Variants in PTPRD observed in about 807,000 individuals in gnomAD.
PTPRD encodes the protein receptor-type tyrosine-protein phosphatase delta.
PTPRD carries 34 observed loss-of-function variants against 214.5 expected under a neutral mutation model. The ratio of observed to expected loss-of-function variants is 0.16; its 90% CI spans 0.12 to 0.21. The LOEUF is 0.21. Among genes scored for constraint, PTPRD ranks in the 10% least tolerant of loss-of-function variants. The pLI, the probability that PTPRD is intolerant of heterozygous loss-of-function variation, is 1.00. For synonymous variants in PTPRD, 1,128 were observed against 845.7 expected, an observed-to-expected ratio of 1.33 and a Z score of -5.79; for missense variants, 2,545 against 2,398.7, an observed-to-expected ratio of 1.06 and a Z score of -1.27.
intron 36 of PTPRD, among the ~76,000 whole-genome samples, chr9:8,399,690 T>C (rs987489933): frequency 2.0e-5 from 3 of 152,156 alleles, no homozygotes; most frequent in Non-Finnish European, 4.4e-5. Flanking sequence ...TGTTTCAAAA[T>C]GTGTATTTGA....
chr9:8,338,714 G>C (rs1849370272), intron 43 of PTPRD, among the ~76,000 whole-genome samples: 2 of 151,924 alleles, frequency 1.3e-5, no homozygotes, highest in African/African-American at 4.8e-5. Flanking sequence ...TTGAATGAAA[G>C]CCAAACTAAG....
At chr9:9,229,407 T>C (rs1006662050) in intron 9 of PTPRD, among the ~76,000 whole-genome samples, 3 of 152,050 alleles carry the variant, frequency 2.0e-5, no homozygotes, top group Admixed American at 6.6e-5. Flanking sequence ...CAATGCCTCA[T>C]AGAAGAAAGT....
chr9:9,662,259 A>G (rs1329095599), intron 7 of PTPRD, among the ~76,000 whole-genome samples: 1 of 151,542 alleles, frequency 6.6e-6, no homozygotes, highest in African/African-American at 2.4e-5. Flanking sequence ...CCATTACCTA[A>G]TTGTTCTGGG....
At chr9:8,605,933 G>A (rs1254573355) in intron 14 of PTPRD, among the ~76,000 whole-genome samples, 1 of 152,114 alleles carries the variant, frequency 6.6e-6, no homozygotes, top group African/African-American at 2.4e-5. Flanking sequence ...TGAGTCCTTT[G>A]GGTTTTTTTG....
At chr9:9,860,386 C>T (rs2062463975) in intron 5 of PTPRD, among the ~76,000 whole-genome samples, 1 of 152,170 alleles carries the variant, frequency 6.6e-6, no homozygotes, top group Admixed American at 6.5e-5. Context: ...GTTTGGTTGT[C>T]TGCATATAAA....
chr9:8,541,297 A>G (rs1250494018), intron 14 of PTPRD, among the ~76,000 whole-genome samples: 1 of 152,126 alleles, frequency 6.6e-6, no homozygotes, highest in Non-Finnish European at 1.5e-5. Flanking sequence ...TGGTGCAATC[A>G]TAGTTCACTG....
At chr9:9,240,769 T>A (rs151188416) in intron 9 of PTPRD, among the ~76,000 whole-genome samples, 352 of 152,332 alleles carry the variant, frequency 2.3e-3, no homozygotes, top group South Asian at 6.6e-3. Context: ...ACTTCTAATA[T>A]AATTTTGGTT....
intron 11 of PTPRD, among the ~76,000 whole-genome samples, chr9:8,849,467 C>T (rs1230806343): frequency 6.6e-6 from 1 of 152,150 alleles, no homozygotes; most frequent in Non-Finnish European, 1.5e-5. Context: ...ACCTCGTGAT[C>T]CACCGGCCTC....
intron 7 of PTPRD, among the ~76,000 whole-genome samples, chr9:9,629,772 G>A (rs951043598): frequency 9.9e-5 from 15 of 152,122 alleles, no homozygotes; most frequent in Admixed American, 9.2e-4. Flanking sequence ...AATTCAAACC[G>A]CTAGAGACAG....
At chr9:9,922,367 G>T (rs2082792955) in intron 5 of PTPRD, among the ~76,000 whole-genome samples, 1 of 151,934 alleles carries the variant, frequency 6.6e-6, no homozygotes, top group Admixed American at 6.6e-5. Flanking sequence ...GCTATTATTG[G>T]AAGTTCACAT....
At chr9:10,000,967 A>C in intron 4 of PTPRD, among the ~76,000 whole-genome samples, 1 of 152,218 alleles carries the variant, frequency 6.6e-6, no homozygotes. Flanking sequence ...TATGCAAATC[A>C]GACACTGCTT....
At chr9:10,529,558 G>A (rs2055495723) in intron 2 of PTPRD, among the ~76,000 whole-genome samples, 1 of 150,498 alleles carries the variant, frequency 6.6e-6, no homozygotes. Context: ...ATCATACACG[G>A]GGCCTGTTGG....
At chr9:9,625,611 C>CA (rs2095402320) in intron 7 of PTPRD, among the ~76,000 whole-genome samples, 1 of 151,058 alleles carries the variant, frequency 6.6e-6, no homozygotes. Context: ...AAAACCAAAC[C>CA]AAATGGAAAA....
intron 11 of PTPRD, among the ~76,000 whole-genome samples, chr9:8,735,666 T>G (rs191077561): frequency 1.3e-5 from 2 of 152,192 alleles, no homozygotes; most frequent in African/African-American, 2.4e-5. Flanking sequence ...TTCCACCACT[T>G]TCGGAAGCCG....
chr9:9,390,350 A>G (rs2065371019), intron 9 of PTPRD, among the ~76,000 whole-genome samples: 1 of 152,244 alleles, frequency 6.6e-6, no homozygotes, highest in Middle Eastern at 3.4e-3. Flanking sequence ...ATACAGAAGT[A>G]CTTAGATTTT....
At chr9:10,515,445 G>A (rs1397766466) in intron 2 of PTPRD, among the ~76,000 whole-genome samples, 2 of 151,952 alleles carry the variant, frequency 1.3e-5, no homozygotes, top group Admixed American at 6.6e-5. Context: ...TTGCTAGCTT[G>A]AAGAACAAGA....
intron 4 of PTPRD, among the ~76,000 whole-genome samples, chr9:9,984,413 G>A (rs1034248036): frequency 1.3e-5 from 2 of 152,208 alleles, no homozygotes; most frequent in Non-Finnish European, 2.9e-5. Flanking sequence ...TGGAGAAGAT[G>A]TAGTTGTAAC....
intron 12 of PTPRD, among the ~76,000 whole-genome samples, chr9:8,732,457 T>C (rs2098670545): frequency 6.6e-6 from 1 of 152,224 alleles, no homozygotes; most frequent in Non-Finnish European, 1.5e-5. Context: ...TTCTCTTTAA[T>C]AAACTAAATT....
rs538787379 is a variant in PTPRD, at chr9:10,291,169, G to A, written c.-545+49794C>T. On this transcript the variant is annotated intron_variant, in intron 3 of 45. Transcript: ENST00000381196. ...AGTGATAAATAGAGACTCACAGACAGATGGGGCCTTTTCTCTTCCACTGAA... is the reference window on the plus strand; with the variant it reads ...AGTGATAAATAGAGACTCACAGACAAATGGGGCCTTTTCTCTTCCACTGAA... Among the ~76,000 whole-genome samples, 10 of 152,096 alleles carry A rather than the reference G, an allele frequency of 6.6e-5. No homozygotes were observed. In the South Asian group the frequency reaches 1.5e-3, roughly 22 times the overall value.
Sources: gnomAD v4.1 joint callset for allele counts (sites outside exome capture counted in the v4.1 genomes callset) on GRCh38, gnomAD v4.1.1 for gene constraint, MANE v1.5 for transcripts, NCBI Gene and HGNC (gene_info 2026-07-23, HGNC 2026-07-21) for gene names.